The following VPS13A variants were observed in gnomAD, a reference collection of about 807,000 sequenced individuals.
The protein encoded by VPS13A is vacuolar protein sorting 13 homolog A, also known as intermembrane lipid transfer protein VPS13A.
A neutral mutation model predicts 390.9 loss-of-function variants in VPS13A; 264 were observed. That is an observed-to-expected ratio of 0.68 (90% CI 0.61 to 0.75). The LOEUF is 0.75. VPS13A is among the 30% of genes least tolerant of loss of function. VPS13A has a pLI of 0.00. For synonymous variants in VPS13A, 1,231 were observed against 1,227.1 expected, an observed-to-expected ratio of 1.00 and a Z score of -0.07; for missense variants, 3,409 against 3,733.9, an observed-to-expected ratio of 0.91 and a Z score of 2.27.
intron 1 of VPS13A, among the ~76,000 whole-genome samples, chr9:77,188,523 A>G (rs1489146918): frequency 6.6e-6 from 1 of 152,182 alleles, no homozygotes; most frequent in Non-Finnish European, 1.5e-5. Flanking sequence ...CTGTTGACAG[A>G]CATCTATGTT....
Position 77,252,293 on chromosome 9 carries a change from C to G in VPS13A, c.2229C>G (p.Pro743=). Residue 743 remains proline, a synonymous_variant, in exon 22 of 72, where the codon CCC becomes CCG. Coordinates refer to ENST00000360280, the MANE Select transcript of VPS13A (RefSeq NM_033305.3). ...TATCTACCCAGCATATTTTGGTACC[C>G]ATGCACTTCAATTTGGAACTGTCTA... ...LSVSTQHILV[P]MHFNLELSKA... is the part of the protein sequence containing the mutation. The G allele has an allele frequency of 5.6e-6, 9 of 1,613,954 alleles. No individual in the cohort carries two copies. The highest frequency in any genetic ancestry group is 7.6e-6 in the Non-Finnish European group (9 of 1,179,914).
intron 7 of VPS13A, 100 bp downstream of exon 7, chr9:77,210,775 T>C: frequency 2.4e-6 from 3 of 1,235,556 alleles, no homozygotes; most frequent in Non-Finnish European, 3.6e-6. Context: ...TAGGTGTCTA[T>C]GTAGAACGGG....
At chr9:77,280,768 GAAT>G (rs1406413206) in intron 27 of VPS13A, among the ~76,000 whole-genome samples, 2 of 152,090 alleles carry the variant, frequency 1.3e-5, no homozygotes, top group Non-Finnish European at 2.9e-5. Flanking sequence ...TTTATAATAA[GAAT>G]AATGCAGAAA....
intron 68 of VPS13A, chr9:77,384,928 G>A: frequency 7.8e-7 from 1 of 1,288,666 alleles, no homozygotes; most frequent in Non-Finnish European, 9.9e-7. Context: ...TTATAGCTTT[G>A]TATTGCATAG....
At chr9:77,232,610 G>A (rs571095337) in intron 17 of VPS13A, among the ~76,000 whole-genome samples, 7 of 152,166 alleles carry the variant, frequency 4.6e-5, no homozygotes, top group South Asian at 4.2e-4. Flanking sequence ...CTCATAGTTC[G>A]GTATGGCTGG....
At chr9:77,336,238 G>T (rs1030576586) in intron 46 of VPS13A, among the ~76,000 whole-genome samples, 1 of 152,076 alleles carries the variant, frequency 6.6e-6, no homozygotes, top group Non-Finnish European at 1.5e-5. Context: ...AGCATTAGGA[G>T]AAATACCTAA....
Position 77,360,616 on chromosome 9 carries a change from A to G in VPS13A, c.8186A>G (p.Glu2729Gly), listed in dbSNP as rs1421179259. The change falls in exon 59 of 72, where the codon GAA becomes GGA. Residue 2729 changes from glutamate (E) to glycine (G), a missense_variant. This residue lies in a region of VPS13A where 221 missense variants were observed against 300.7 expected (regional missense o/e 0.73). Transcript: ENST00000360280. ...TATGCTTTAACAGACCTTATGACAG[A>G]AGCTGAGGTGACTGAAAATACAGAG... The part of the protein sequence containing the change: ...FIYALTDLMT[E>G]AEVTENTEVE... 2 of 1,612,770 alleles carry G rather than the reference A, an allele frequency of 1.2e-6. No homozygotes were observed. The highest frequency in any genetic ancestry group is 1.7e-6 in the Non-Finnish European group (2 of 1,179,096).
intron 34 of VPS13A, 63 bp from the exon 35 acceptor site, chr9:77,307,882 C>A: frequency 7.6e-7 from 1 of 1,321,456 alleles, no homozygotes; most frequent in African/African-American, 1.5e-5. Flanking sequence ...AGAATTTTAA[C>A]TGCAGTTAAA....
intron 50 of VPS13A, among the ~76,000 whole-genome samples, chr9:77,341,482 G>A (rs1830805306): frequency 6.6e-6 from 1 of 151,968 alleles, no homozygotes; most frequent in Admixed American, 6.6e-5. Flanking sequence ...TAGATCTGTG[G>A]ATTAATGTAT....
At chr9:77,209,398 A>T in intron 5 of VPS13A, 25 bp from the exon 6 acceptor site, 1 of 1,509,896 alleles carries the variant, frequency 6.6e-7, no homozygotes, top group South Asian at 1.1e-5. Flanking sequence ...ATTCAATTTT[A>T]AAAAAGGAAT....
At chr9:77,399,570 A>T (rs1834283188) in intron 68 of VPS13A, among the ~76,000 whole-genome samples, 1 of 152,208 alleles carries the variant, frequency 6.6e-6, no homozygotes, top group Non-Finnish European at 1.5e-5. Flanking sequence ...TAGGCTCTTG[A>T]ATTCTATTAG....
At chr9:77,377,680 AACTTT>A (rs1264445902) in intron 67 of VPS13A, among the ~76,000 whole-genome samples, 22 of 152,030 alleles carry the variant, frequency 1.4e-4, no homozygotes, top group Admixed American at 7.9e-4. Context: ...GAACTGAGGT[AACTTT>A]ACTTCTTCCT....
intron 26 of VPS13A, chr9:77,279,930 T>G: frequency 5.2e-6 from 2 of 385,194 alleles, no homozygotes; most frequent in Non-Finnish European, 4.9e-6. Flanking sequence ...TAGAAGGGTA[T>G]GAGACTTCAG....
At chr9:77,356,921 G>T in intron 55 of VPS13A, 54 bp downstream of exon 55, 1 of 1,593,978 alleles carries the variant, frequency 6.3e-7, no homozygotes. Flanking sequence ...GTCGTAGTTT[G>T]GTGAATCACT....
At chr9:77,288,792 A>C (rs560540271) in intron 31 of VPS13A, among the ~76,000 whole-genome samples, 57 of 152,250 alleles carry the variant, frequency 3.7e-4, no homozygotes, top group Admixed American at 7.8e-4. Context: ...TATTCAGGCT[A>C]CTGATTTTCT....
intron 19 of VPS13A, among the ~76,000 whole-genome samples, chr9:77,244,178 C>T (rs1279054481): frequency 6.6e-6 from 1 of 152,120 alleles, no homozygotes; most frequent in African/African-American, 2.4e-5. Flanking sequence ...GTCAGGGCTG[C>T]AGTGAGCTAT....
At chr9:77,279,107 C>A (rs1015544035) in intron 26 of VPS13A, among the ~76,000 whole-genome samples, 6 of 152,216 alleles carry the variant, frequency 3.9e-5, no homozygotes, top group African/African-American at 1.4e-4. Flanking sequence ...AGACCGTCTT[C>A]CTTATCGCAA....
intron 9 of VPS13A, 81 bp from the exon 10 acceptor site, chr9:77,214,248 C>T: frequency 8.0e-7 from 1 of 1,244,512 alleles, no homozygotes. Flanking sequence ...TGCCCTCCAG[C>T]CTGGGTGACA....
chr9:77,330,605 ATTATAT>A (rs1335021583), intron 45 of VPS13A, among the ~76,000 whole-genome samples: 1 of 152,198 alleles, frequency 6.6e-6, no homozygotes, highest in Non-Finnish European at 1.5e-5. Context: ...TTTATTTGGA[ATTATAT>A]TTATAATCAG....
Sources: gnomAD v4.1 joint callset for allele counts (sites outside exome capture counted in the v4.1 genomes callset) on GRCh38, gnomAD v4.1.1 for gene constraint, gnomAD v4.1.1 regional missense constraint, MANE v1.5 for transcripts, NCBI Gene and HGNC (gene_info 2026-07-23, HGNC 2026-07-21) for gene names.